The following HNRNPA1L2 variants were observed in gnomAD, a reference collection of about 807,000 sequenced individuals.
The protein encoded by HNRNPA1L2 is heterogeneous nuclear ribonucleoprotein A1-like 2.
In HNRNPA1L2, 10 loss-of-function variants were observed where a neutral mutation model predicts 18.2. The ratio of observed to expected loss-of-function variants is 0.55; its 90% CI spans 0.34 to 0.93. The LOEUF is 0.93. Ranked by LOEUF, HNRNPA1L2 falls within the 40% of genes least tolerant of loss-of-function variation. The pLI, the probability that HNRNPA1L2 is intolerant of heterozygous loss-of-function variation, is 0.02. For missense variants in HNRNPA1L2, 308 were observed against 394.4 expected (o/e 0.78, Z 1.85); for synonymous variants, 124 against 138.6 (o/e 0.89, Z 0.74).
the HNRNPA1L2 span, among the ~76,000 whole-genome samples, chr13:52,624,804 C>T: frequency 1.3e-5 from 2 of 152,044 alleles, no homozygotes; most frequent in Non-Finnish European, 2.9e-5. Flanking sequence ...CCAAGGTGGG[C>T]AGATCACTTG....
At chr13:52,635,709 C>T in the HNRNPA1L2 span, among the ~76,000 whole-genome samples, 14 of 151,852 alleles carry the variant, frequency 9.2e-5, no homozygotes, top group African/African-American at 1.7e-4. Flanking sequence ...TCACACAGTA[C>T]GTACTCTTTT....
At chr13:52,619,071 G>C in the HNRNPA1L2 span, among the ~76,000 whole-genome samples, 3 of 152,064 alleles carry the variant, frequency 2.0e-5, no homozygotes, top group African/African-American at 7.2e-5. Context: ...GCAATGGCAC[G>C]ATCTCGGGTC....
At chr13:52,629,262 AC>A in the HNRNPA1L2 span, 1 of 191,612 alleles carries the variant, frequency 5.2e-6, no homozygotes, top group Admixed American at 4.9e-5. Context: ...CAGATGTGCT[AC>A]AGCTAGAATT....
the HNRNPA1L2 span, among the ~76,000 whole-genome samples, chr13:52,619,478 C>T: frequency 6.6e-6 from 1 of 151,940 alleles, no homozygotes; most frequent in South Asian, 2.1e-4. Flanking sequence ...ACGCCTGGCT[C>T]ATTTTTGTAT....
the HNRNPA1L2 span, among the ~76,000 whole-genome samples, chr13:52,618,579 A>G: frequency 6.6e-6 from 1 of 152,192 alleles, no homozygotes; most frequent in Non-Finnish European, 1.5e-5. Context: ...AAAGATTTCA[A>G]CTGGCTGCTT....
At chr13:52,625,588 G>A in the HNRNPA1L2 span, among the ~76,000 whole-genome samples, 1 of 152,072 alleles carries the variant, frequency 6.6e-6, no homozygotes, top group Non-Finnish European at 1.5e-5. Flanking sequence ...GTTATGAAAT[G>A]CATGATTCTG....
At chr13:52,626,605 CA>C in the HNRNPA1L2 span, among the ~76,000 whole-genome samples, 2 of 152,054 alleles carry the variant, frequency 1.3e-5, no homozygotes, top group East Asian at 3.9e-4. Context: ...TTTATACTGT[CA>C]CCCAGCTTCA....
chr13:52,630,330 G>A, the HNRNPA1L2 span, among the ~76,000 whole-genome samples: 1 of 152,164 alleles, frequency 6.6e-6, no homozygotes, highest in African/African-American at 2.4e-5. Flanking sequence ...AGGCTGGAGT[G>A]AAGTGGCACC....
chr13:52,637,781 C>T (rs187170921), upstream of HNRNPA1L2, among the ~76,000 whole-genome samples: 117 of 152,112 alleles, frequency 7.7e-4, 2 homozygotes, highest in South Asian at 0.013. Flanking sequence ...TCAAGTTGGA[C>T]GGCAGGTTCA....
chr13:52,624,363 C>T, the HNRNPA1L2 span, among the ~76,000 whole-genome samples: 7 of 152,178 alleles, frequency 4.6e-5, no homozygotes, highest in Non-Finnish European at 7.3e-5. Context: ...CCACCCTCCT[C>T]GGCCTCCCCA....
chr13:52,623,880 T>C, the HNRNPA1L2 span, among the ~76,000 whole-genome samples: 2 of 152,206 alleles, frequency 1.3e-5, no homozygotes, highest in South Asian at 2.1e-4. Flanking sequence ...TGCTCTATGA[T>C]GTCTGGGTCC....
At chr13:52,635,310 A>G in the HNRNPA1L2 span, among the ~76,000 whole-genome samples, 1 of 152,164 alleles carries the variant, frequency 6.6e-6, no homozygotes, top group Non-Finnish European at 1.5e-5. Flanking sequence ...AAACAGGTAG[A>G]GTGGAGGATA....
the HNRNPA1L2 span, among the ~76,000 whole-genome samples, chr13:52,625,384 G>A: frequency 6.6e-6 from 1 of 151,918 alleles, no homozygotes; most frequent in East Asian, 1.9e-4. Context: ...TAAAGTGCTG[G>A]GATTACTGCC....
At chr13:52,631,036 G>A in the HNRNPA1L2 span, among the ~76,000 whole-genome samples, 1 of 152,160 alleles carries the variant, frequency 6.6e-6, no homozygotes, top group African/African-American at 2.4e-5. Flanking sequence ...GGGTTCCTGT[G>A]CCTTCAGTGT....
chr13:52,625,147 G>GT, the HNRNPA1L2 span, among the ~76,000 whole-genome samples: 1 of 150,822 alleles, frequency 6.6e-6, no homozygotes, highest in Non-Finnish European at 1.5e-5. Flanking sequence ...GAGTCTTGCT[G>GT]TTTTTTGCCC....
the HNRNPA1L2 span, among the ~76,000 whole-genome samples, chr13:52,624,353 C>T: frequency 2.0e-5 from 3 of 152,148 alleles, no homozygotes; most frequent in Non-Finnish European, 2.9e-5. Context: ...ACTTTGTGAT[C>T]CACCCTCCTC....
At chr13:52,632,036 T>C in the HNRNPA1L2 span, among the ~76,000 whole-genome samples, 1 of 152,208 alleles carries the variant, frequency 6.6e-6, no homozygotes, top group Admixed American at 6.5e-5. Context: ...TAATTAAACA[T>C]TGCAGTGTTT....
Position 52,643,364 on chromosome 13 carries a change from G to A in HNRNPA1L2, c.872G>A (p.Gly291Asp), listed in dbSNP as rs749435962. ...GGCAGAAGCTCTGGCCCCTATGGCGGTGGAGGCCAATACTTTGCAAAACCA... is the reference window on the plus strand; with the variant it reads ...GGCAGAAGCTCTGGCCCCTATGGCGATGGAGGCCAATACTTTGCAAAACCA... The part of the protein sequence containing the change: ...FGGRSSGPYG[G>D]GGQYFAKPQN... Residue 291 changes from glycine (G) to aspartate (D), a missense_variant, in exon 1 of 1, where the codon GGT (glycine) becomes GAT (aspartate). Transcript: ENST00000357495. 4.1e-5 allele frequency: 66 copies of A among 1,598,346 alleles called. No homozygotes were observed. In the South Asian group the frequency reaches 6.5e-4, roughly 16 times the overall value.
chr13:52,640,298 A>G (rs1483802751), upstream of HNRNPA1L2, among the ~76,000 whole-genome samples: 2 of 152,116 alleles, frequency 1.3e-5, no homozygotes, highest in East Asian at 3.8e-4. Context: ...CTGAATTTGT[A>G]TCTCATGGGA....
Sources: gnomAD v4.1 joint callset for allele counts (sites outside exome capture counted in the v4.1 genomes callset) on GRCh38, gnomAD v4.1.1 for gene constraint, MANE v1.5 for transcripts, NCBI Gene and HGNC (gene_info 2026-07-23, HGNC 2026-07-21) for gene names.